The following RIMBP2 variants were observed in gnomAD, a reference collection of about 807,000 sequenced individuals.
RIMBP2 encodes the protein RIMS binding protein 2, also known as RIMS-binding protein 2.
RIMBP2 carries 48 observed loss-of-function variants against 118.6 expected under a neutral mutation model. The observed-to-expected ratio is 0.40, with a 90% CI of 0.32 to 0.51. The LOEUF is 0.51. Ranked by LOEUF, RIMBP2 falls within the 20% of genes least tolerant of loss-of-function variation. RIMBP2 has a pLI of 0.41. For missense variants in RIMBP2, 1,551 were observed against 1,768.3 expected, an observed-to-expected ratio of 0.88 and a Z score of 2.20; for synonymous variants, 762 against 742.9, an observed-to-expected ratio of 1.03 and a Z score of -0.42.
At chr12:130,522,033 A>C (rs1486137861) in intron 2 of RIMBP2, among the ~76,000 whole-genome samples, 2 of 152,124 alleles carry the variant, frequency 1.3e-5, no homozygotes, top group African/African-American at 2.4e-5. Context: ...GCACTTCCTT[A>C]CCTCCACTTA....
chr12:130,604,534 G>GCCTGCAA (rs1169675539), intron 2 of RIMBP2, among the ~76,000 whole-genome samples: 7 of 144,302 alleles, frequency 4.9e-5, no homozygotes, highest in Non-Finnish European at 7.5e-5. Context: ...CAACTTCCGG[G>GCCTGCAA]CCTGCAAGCT....
chr12:130,440,636 C>T (rs1349518546), intron 11 of RIMBP2, among the ~76,000 whole-genome samples: 1 of 152,194 alleles, frequency 6.6e-6, no homozygotes, highest in Admixed American at 6.5e-5. Context: ...GAAGGCATCG[C>T]GGGAGGCGTC....
In RIMBP2 at chr12:130,576,031, G is replaced by A. The variant is rs770829972; in HGVS notation, c.-217+52291C>T. On this transcript the variant is annotated intron_variant, in intron 2 of 22. Coordinates refer to ENST00000690449, the MANE Select transcript of RIMBP2 (RefSeq NM_001393629.1). This position sits in a 1 kb window ranked among gnomAD's most constrained non-coding sequence, Gnocchi z 4.2. ...CTTTGCAGTGAGGAGGAGCATGGTG[G>A]ACAGAACAACTGCCAGTGTGGAGAC... Among the ~76,000 whole-genome samples the A allele has an allele frequency of 2.2e-4, 33 of 152,142 alleles. No homozygotes were observed. Among genetic ancestry groups the A allele is most frequent in the Admixed American group, 1.7e-3 (26 of 15,284 alleles).
rs1443007408 is a variant in RIMBP2, at chr12:130,623,018, T to C, written c.-217+5304A>G. Reference sequence around the variant, plus strand: ...TACTGTTGGGGCCATTTCCTTCTAGTATCAATGGTTTCTTATCTCAACAAA... The same window carrying C: ...TACTGTTGGGGCCATTTCCTTCTAGCATCAATGGTTTCTTATCTCAACAAA... On this transcript the variant is annotated intron_variant, in intron 2 of 22. Coordinates refer to ENST00000690449, the MANE Select transcript of RIMBP2 (RefSeq NM_001393629.1). The surrounding 1 kb of genome is among the most constrained non-coding windows in gnomAD (Gnocchi z 4.1). 6.6e-6 allele frequency among the ~76,000 whole-genome samples: 1 copy of C among 152,242 alleles called. No homozygotes were observed. The highest frequency in any genetic ancestry group is 1.5e-5 in the Non-Finnish European group (1 of 68,048).
rs1426757807 is a variant in RIMBP2 at position 130,478,947 on chromosome 12, T to C, written c.67A>G (p.Ser23Gly). 2.5e-6 allele frequency: 4 copies of C among 1,613,720 alleles called. No individual in the cohort carries two copies. Among genetic ancestry groups the C allele is most frequent in the Middle Eastern group, 1.7e-4 (1 of 5,932 alleles). The part of the protein sequence containing the change: ...LEHDQALAVL[S>G]AKQQEIDLLQ... ...AGGTCAATTTCCTGCTGCTTGGCACTGAGAACAGCCAGGGCCTGGTCATGC... is the reference window on the plus strand; with the variant it reads ...AGGTCAATTTCCTGCTGCTTGGCACCGAGAACAGCCAGGGCCTGGTCATGC... The change falls in exon 5 of 23, where the codon AGT (serine) becomes GGT (glycine). Residue 23 changes from serine (S) to glycine (G), a missense_variant. Ser to Gly is a moderately conservative substitution (Grantham distance 56). Transcript: ENST00000690449.
chr12:130,604,291 TAAAA>T (rs71088765), intron 2 of RIMBP2, among the ~76,000 whole-genome samples: 7 of 136,172 alleles, frequency 5.1e-5, no homozygotes, highest in South Asian at 2.3e-4. Context: ...TTTTAAAAAG[TAAAA>T]AAAAAAAAAA....
At chr12:130,645,651 G>A (rs987485977) in intron 1 of RIMBP2, among the ~76,000 whole-genome samples, 11 of 152,180 alleles carry the variant, frequency 7.2e-5, no homozygotes, top group African/African-American at 1.9e-4. Context: ...AAGAGGAGTC[G>A]GCGTTAGCCC....
intron 2 of RIMBP2, among the ~76,000 whole-genome samples, chr12:130,613,100 G>A (rs2060661002): frequency 6.6e-6 from 1 of 152,170 alleles, no homozygotes; most frequent in South Asian, 2.1e-4. Context: ...TGACATTTTT[G>A]TCCTCACGAG....
chr12:130,504,821 C>G (rs533087640), intron 4 of RIMBP2, among the ~76,000 whole-genome samples: 37 of 152,342 alleles, frequency 2.4e-4, no homozygotes, highest in African/African-American at 5.5e-4. Flanking sequence ...CGGATCTGCG[C>G]GTGGGAGAGG....
intron 2 of RIMBP2, among the ~76,000 whole-genome samples, chr12:130,615,590 G>T (rs973363209): frequency 6.6e-6 from 1 of 151,940 alleles, no homozygotes; most frequent in Admixed American, 6.6e-5. Flanking sequence ...GGGATTATAG[G>T]TGTGAGCCAC....
chr12:130,490,712 C>T (rs1251383468), intron 4 of RIMBP2, among the ~76,000 whole-genome samples: 1 of 152,186 alleles, frequency 6.6e-6, no homozygotes, highest in African/African-American at 2.4e-5. Context: ...GGAAAATAAT[C>T]TCGTCTGCAG....
Position 130,450,232 on chromosome 12 carries a change from C to T in RIMBP2, c.549G>A (p.Ser183=), listed in dbSNP as rs141581543. 3.6e-5 allele frequency: 58 copies of T among 1,609,512 alleles called. No homozygotes were observed. The highest frequency in any genetic ancestry group is 5.3e-5 in the African/African-American group (4 of 74,880). ...GGGCAACACAGAGGTGGACCTTCCCCGAGTATCTCTGCTTGGAGGTATTGG... is the reference window on the plus strand; with the variant it reads ...GGGCAACACAGAGGTGGACCTTCCCTGAGTATCTCTGCTTGGAGGTATTGG... The part of the protein sequence containing the change: ...RNSNTSKQRY[S]GKVHLCVARY... The change falls in exon 9 of 23, where the codon TCG becomes TCA. Residue 183 remains serine, a synonymous_variant. Transcript: ENST00000690449. The surrounding 1 kb of genome is among the most constrained non-coding windows in gnomAD (Gnocchi z 4.8).
intron 13 of RIMBP2, among the ~76,000 whole-genome samples, chr12:130,435,745 C>T (rs2077465624): frequency 6.6e-6 from 1 of 152,230 alleles, no homozygotes; most frequent in Admixed American, 6.5e-5. Flanking sequence ...AACGAATTAG[C>T]AAATTTCACA....
intron 9 of RIMBP2, among the ~76,000 whole-genome samples, chr12:130,448,754 G>C (rs1407988147): frequency 6.6e-6 from 1 of 152,246 alleles, no homozygotes; most frequent in African/African-American, 2.4e-5. Context: ...GGTGCAGCCA[G>C]CATTCACATC....
At chr12:130,639,675 G>T (rs2062526172) in intron 1 of RIMBP2, among the ~76,000 whole-genome samples, 1 of 152,046 alleles carries the variant, frequency 6.6e-6, no homozygotes, top group South Asian at 2.1e-4. Flanking sequence ...GCAGCTCGGG[G>T]GCTGGGACTA....
intron 21 of RIMBP2, among the ~76,000 whole-genome samples, chr12:130,403,891 C>G (rs1235347341): frequency 1.3e-5 from 2 of 152,086 alleles, no homozygotes; most frequent in Non-Finnish European, 2.9e-5. Context: ...GCAGAGCAAA[C>G]TAAAACTTTC....
chr12:130,624,374 C>T (rs1272867114), intron 2 of RIMBP2, among the ~76,000 whole-genome samples: 1 of 152,068 alleles, frequency 6.6e-6, no homozygotes, highest in South Asian at 2.1e-4. Flanking sequence ...TTAAAAGTTG[C>T]AGAACAGATT....
chr12:130,680,704 C>T (rs1238595843), intron 1 of RIMBP2, among the ~76,000 whole-genome samples: 2 of 152,186 alleles, frequency 1.3e-5, no homozygotes, highest in Non-Finnish European at 2.9e-5. Flanking sequence ...CTGTTCCCAC[C>T]ATCTGGTGGG....
chr12:130,492,100 C>T (rs1028343237), intron 4 of RIMBP2, among the ~76,000 whole-genome samples: 11 of 152,160 alleles, frequency 7.2e-5, no homozygotes, highest in Non-Finnish European at 1.0e-4. Flanking sequence ...TAGGAGCTAA[C>T]GGTGACACTT....
Sources: allele counts gnomAD v4.1 joint callset (sites outside exome capture counted in the v4.1 genomes callset), GRCh38; gene constraint gnomAD v4.1.1; non-coding constraint Gnocchi (gnomAD v3.1); transcripts MANE v1.5; gene names NCBI Gene and HGNC (gene_info 2026-07-23, HGNC 2026-07-21).